PTTG1IP: variants seen among roughly 807,000 people sequenced by gnomAD.
PTTG1IP encodes pituitary tumor-transforming gene 1 protein-interacting protein.
PTTG1IP carries 16 observed loss-of-function variants against 24.4 expected under a neutral mutation model. That is an observed-to-expected ratio of 0.66 (90% CI 0.44 to 1.00). The LOEUF is 1.00. PTTG1IP is among the 50% of genes least tolerant of loss of function. The pLI, the probability that PTTG1IP is intolerant of heterozygous loss-of-function variation, is 0.00. For synonymous variants in PTTG1IP, 89 were observed against 96.8 expected (o/e 0.92, Z 0.47); for missense variants, 241 against 245.8 (o/e 0.98, Z 0.13).
At chr21:44,865,364 C>T in intron 2 of PTTG1IP, 31 bp downstream of exon 2, 1 of 1,610,064 alleles carries the variant, frequency 6.2e-7, no homozygotes, top group Admixed American at 1.7e-5. Context: ...GTCTGGACGG[C>T]ACTCTGGTCT....
Position 44,855,145 on chromosome 21 carries a change from C to T in PTTG1IP, c.496+65G>A, listed in dbSNP as rs914289926. On this transcript the variant is annotated intron_variant, in intron 5 of 5. Transcript: ENST00000330938. ...CCATCTCAGGCCACACTGGCACTAACGAGGACCGAGACAGCGTGCCATCGC... is the reference window on the plus strand; with the variant it reads ...CCATCTCAGGCCACACTGGCACTAATGAGGACCGAGACAGCGTGCCATCGC... The T allele has an allele frequency of 1.7e-5, 25 of 1,507,310 alleles. No individual in the cohort carries two copies. In the African/African-American group the frequency reaches 2.3e-4, roughly 14 times the overall value. 93.4% of individuals were successfully genotyped at this position (1,507,310 alleles called of 1,614,324 possible). A position where few individuals can be genotyped will look rare whatever the true frequency, so the allele number is the denominator to read the frequency against.
chr21:44,851,421 A>T lies in PTTG1IP; in HGVS notation c.*160T>A. ...GGTCACCAGTCTGCAAGACGAGAGG[A>T]CTGTCCTTCAGGGGCAGCTCTCCGG... On this transcript the variant is annotated 3_prime_UTR_variant, in exon 6 of 6. Transcript: ENST00000330938. The T allele has an allele frequency of 6.3e-7, 1 of 1,589,128 alleles. No homozygotes were observed. Among genetic ancestry groups the T allele is most frequent in the Non-Finnish European group, 8.5e-7 (1 of 1,171,222 alleles).
At chr21:44,873,461 C>T (rs1386456625) in intron 1 of PTTG1IP, 41 bp downstream of exon 1, 48 of 1,341,512 alleles carry the variant, frequency 3.6e-5, no homozygotes, top group Non-Finnish European at 4.4e-5. Context: ...CCACCAGCCG[C>T]CCCGCCCCCT....
rs1203217552 is a variant in PTTG1IP at position 44,861,247 on chromosome 21, C to A, written c.193G>T (p.Ala65Ser). The A allele has an allele frequency of 1.2e-6, 2 of 1,613,848 alleles. No homozygotes were observed. Among genetic ancestry groups the A allele is most frequent in the African/African-American group, 1.3e-5 (1 of 74,930 alleles). ...VSCLWCNTNK[A>S]CLDYPVTSVL... ...CTTGTAACTGGGTAGTCCAGACAAG[C>A]CTTGTTAGTGTTGCACCAAAGACAC... is the stretch of plus-strand genomic sequence containing the variant. Residue 65 changes from alanine to serine, a missense_variant, in exon 3 of 6, where the codon GCT (alanine) becomes TCT (serine). Transcript: ENST00000330938.
chr21:44,854,069 C>T (rs2083430783), intron 5 of PTTG1IP, among the ~76,000 whole-genome samples: 1 of 152,178 alleles, frequency 6.6e-6, no homozygotes, highest in Non-Finnish European at 1.5e-5. Flanking sequence ...GGGGCCTCTG[C>T]AGCCCCCATG....
intron 5 of PTTG1IP, among the ~76,000 whole-genome samples, chr21:44,852,440 C>T (rs569158433): frequency 6.6e-6 from 1 of 152,134 alleles, no homozygotes; most frequent in Non-Finnish European, 1.5e-5. Flanking sequence ...CTTGGTCTCC[C>T]AAAGTGTTGG....
rs1350050719 is a variant in PTTG1IP at position 44,851,669 on chromosome 21, C to T, written c.497-42G>A. ...TTGAATCATAACTTCATTCATTCAA[C>T]CAGAAACAAAATCTTAGAAAGCCAT... On this transcript the variant is annotated intron_variant, in intron 5 of 5. Coordinates refer to ENST00000330938, the MANE Select transcript of PTTG1IP (RefSeq NM_004339.4). The T allele has an allele frequency of 2.6e-6, 4 of 1,534,174 alleles. No individual in the cohort carries two copies. The African/African-American group carries it at 5.5e-5, about 21-fold the overall frequency.
chr21:44,863,265 C>G (rs551272955), intron 2 of PTTG1IP, among the ~76,000 whole-genome samples: 1 of 141,688 alleles, frequency 7.1e-6, no homozygotes, highest in African/African-American at 2.7e-5. Flanking sequence ...CCGCCACGGC[C>G]TCGGCAACAC....
At chr21:44,861,097 C>A in intron 3 of PTTG1IP, 66 bp downstream of exon 3, 2 of 1,428,256 alleles carry the variant, frequency 1.4e-6, no homozygotes, top group Admixed American at 1.8e-5. Context: ...CCACCGCGCC[C>A]GGCCCATACT....
At position 44,861,830 on chromosome 21, in the gene PTTG1IP, C is replaced by G. The variant is rs139285984; in HGVS notation, c.169-559G>C. ...CAAGAACACAGGACACAGCCTGGCCCATCACAGGCACTCACTGAGTTTGTG... is the reference window on the plus strand; with the variant it reads ...CAAGAACACAGGACACAGCCTGGCCGATCACAGGCACTCACTGAGTTTGTG... On this transcript the variant is annotated intron_variant, in intron 2 of 5. Coordinates refer to ENST00000330938, the MANE Select transcript of PTTG1IP (RefSeq NM_004339.4). The G allele has an allele frequency of 3.1e-3, 2,233 of 717,492 alleles. 46 individuals are homozygous for G. In the African/African-American group the frequency reaches 0.035, roughly 11 times the overall value. 44.4% of individuals were successfully genotyped at this position (717,492 alleles called of 1,614,324 possible). A position where few individuals can be genotyped will look rare whatever the true frequency, so the allele number is the denominator to read the frequency against.
At chr21:44,855,874 C>T (rs1382479137) in intron 4 of PTTG1IP, among the ~76,000 whole-genome samples, 1 of 152,206 alleles carries the variant, frequency 6.6e-6, no homozygotes, top group African/African-American at 2.4e-5. Context: ...TCAGCTTGCT[C>T]TTGGCAAATG....
At chr21:44,867,146 G>T (rs1377861954) in intron 1 of PTTG1IP, among the ~76,000 whole-genome samples, 1 of 152,250 alleles carries the variant, frequency 6.6e-6, no homozygotes, top group Non-Finnish European at 1.5e-5. Flanking sequence ...CAAACATGCG[G>T]CTCTCGTATC....
At chr21:44,857,336 A>G (rs1478952497) in intron 3 of PTTG1IP, among the ~76,000 whole-genome samples, 3 of 152,164 alleles carry the variant, frequency 2.0e-5, no homozygotes, top group Admixed American at 6.5e-5. Flanking sequence ...ACTGTTTAAC[A>G]AATTAACTGG....
chr21:44,862,237 C>T (rs1468059698), intron 2 of PTTG1IP, among the ~76,000 whole-genome samples: 3 of 152,122 alleles, frequency 2.0e-5, no homozygotes, highest in South Asian at 2.1e-4. Flanking sequence ...AACTGCTGTT[C>T]GGGTCAGGCA....
At chr21:44,863,307 C>T (rs2083509126) in intron 2 of PTTG1IP, among the ~76,000 whole-genome samples, 2 of 133,566 alleles carry the variant, frequency 1.5e-5, no homozygotes, top group African/African-American at 6.1e-5. Context: ...GCCTCAGGAG[C>T]GTGGACACAG....
intron 3 of PTTG1IP, among the ~76,000 whole-genome samples, chr21:44,857,861 G>A (rs2838712): frequency 0.076 from 11,580 of 152,278 alleles, 443 homozygotes; most frequent in South Asian, 0.091. Flanking sequence ...TTCTGGAAGC[G>A]TAGAATTGCA....
At chr21:44,860,149 A>C (rs568278453) in intron 3 of PTTG1IP, among the ~76,000 whole-genome samples, 24 of 152,266 alleles carry the variant, frequency 1.6e-4, no homozygotes, top group Non-Finnish European at 2.6e-4. Flanking sequence ...TGGGCAGATC[A>C]TGAGGTCAGG....
rs779859024 is a variant in PTTG1IP at position 44,851,340 on chromosome 21, A to C, written c.*241T>G. 6.7e-7 allele frequency: 1 copy of C among 1,501,624 alleles called. No individual in the cohort carries two copies. The highest frequency in any genetic ancestry group is 1.2e-5 in the South Asian group (1 of 82,676). The allele number at this position is 1,501,624 out of a possible 1,614,324, so 93.0% of individuals were successfully genotyped here. ...AGAGTATAAAAAAGCCCAAACCCCAAAGATTTCTTATTTCAAGTGACTAAA... is the reference window on the plus strand; with the variant it reads ...AGAGTATAAAAAAGCCCAAACCCCACAGATTTCTTATTTCAAGTGACTAAA... On this transcript the variant is annotated 3_prime_UTR_variant, in exon 6 of 6. Coordinates refer to ENST00000330938, the MANE Select transcript of PTTG1IP (RefSeq NM_004339.4).
rs568703052 is a variant in PTTG1IP, at chr21:44,856,837, G to A, written c.278-473C>T. On this transcript the variant is annotated intron_variant, in intron 3 of 5. Coordinates refer to ENST00000330938, the MANE Select transcript of PTTG1IP (RefSeq NM_004339.4). ...AAGAATATTACAATGATTTACAAGA[G>A]AAATAGACTCTCAGGGCACATACTG... is the stretch of plus-strand genomic sequence containing the variant. Among the ~76,000 whole-genome samples the A allele has an allele frequency of 2.6e-5, 4 of 152,216 alleles. No homozygotes were observed. In the East Asian group the frequency reaches 5.8e-4, roughly 22 times the overall value.
Sources: allele counts gnomAD v4.1 joint callset (sites outside exome capture counted in the v4.1 genomes callset), GRCh38; gene constraint gnomAD v4.1.1; transcripts MANE v1.5; gene names NCBI Gene and HGNC (gene_info 2026-07-23, HGNC 2026-07-21).